Variants in NOVA1 observed in about 807,000 individuals in gnomAD.
NOVA1 encodes NOVA alternative splicing regulator 1.
NOVA1 carries 7 observed loss-of-function variants against 38.0 expected under a neutral mutation model. That is an observed-to-expected ratio of 0.18 (90% CI 0.10 to 0.35). The LOEUF (loss-of-function observed/expected upper bound fraction) is 0.35. NOVA1 is among the 10% of genes least tolerant of loss of function. The probability of loss-of-function intolerance (pLI) is 1.00; values close to 1 mark genes in which losing one functional copy is unlikely to be tolerated. For synonymous variants in NOVA1, 270 were observed against 232.5 expected, an observed-to-expected ratio of 1.16 and a Z score of -1.47; for missense variants, 460 against 616.0, an observed-to-expected ratio of 0.75 and a Z score of 2.68.
chr14:26,527,477 C>G (rs1262957196), intron 2 of NOVA1, among the ~76,000 whole-genome samples: 1 of 151,616 alleles, frequency 6.6e-6, no homozygotes, highest in Non-Finnish European at 1.5e-5. Context: ...ATCTCCAATT[C>G]AGGATACCGC....
At chr14:26,492,722 CTT>C (rs1886438033) in intron 2 of NOVA1, among the ~76,000 whole-genome samples, 1 of 152,002 alleles carries the variant, frequency 6.6e-6, no homozygotes, top group South Asian at 2.1e-4. Flanking sequence ...AATCCCAACA[CTT>C]GGGAGGCCGA....
chr14:26,565,678 TTG>T (rs1346145820), intron 2 of NOVA1, among the ~76,000 whole-genome samples: 1 of 152,144 alleles, frequency 6.6e-6, no homozygotes, highest in Non-Finnish European at 1.5e-5. Context: ...CTAAATGATA[TTG>T]TGTGGAATCA....
At chr14:26,496,180 A>T (rs1886763810) in intron 2 of NOVA1, among the ~76,000 whole-genome samples, 1 of 151,314 alleles carries the variant, frequency 6.6e-6, no homozygotes, top group Non-Finnish European at 1.5e-5. Context: ...CTTTTTAATG[A>T]TTGCCATTCT....
chr14:26,537,058 A>T (rs563586650), intron 2 of NOVA1, among the ~76,000 whole-genome samples: 3 of 152,236 alleles, frequency 2.0e-5, no homozygotes, highest in Non-Finnish European at 4.4e-5. Context: ...ATCATAATGG[A>T]GGTATTATAA....
chr14:26,584,118 T>C (rs960709871), intron 2 of NOVA1, among the ~76,000 whole-genome samples: 1 of 151,510 alleles, frequency 6.6e-6, no homozygotes, highest in South Asian at 2.1e-4. Flanking sequence ...ACATTCTTCA[T>C]AGAAATCTGT....
intron 2 of NOVA1, among the ~76,000 whole-genome samples, chr14:26,530,374 A>T (rs1889620083): frequency 6.6e-6 from 1 of 152,220 alleles, no homozygotes; most frequent in South Asian, 2.1e-4. Context: ...ATCAACCCGG[A>T]AAGATTTATC....
chr14:26,545,664 CACA>C (rs1036690440), intron 2 of NOVA1, among the ~76,000 whole-genome samples: 10 of 152,068 alleles, frequency 6.6e-5, no homozygotes, highest in African/African-American at 2.4e-4. Context: ...GTTTTTTCCT[CACA>C]ACAACCCTGT....
At chr14:26,580,951 GA>G (rs1435786700) in intron 2 of NOVA1, among the ~76,000 whole-genome samples, 1 of 151,920 alleles carries the variant, frequency 6.6e-6, no homozygotes, top group Non-Finnish European at 1.5e-5. Flanking sequence ...GAAAGGAGGT[GA>G]AAAATGATAG....
chr14:26,557,044 C>T (rs1231182825), intron 2 of NOVA1, among the ~76,000 whole-genome samples: 1 of 152,098 alleles, frequency 6.6e-6, no homozygotes, highest in African/African-American at 2.4e-5. Flanking sequence ...ATTCCCATGG[C>T]ATTCTCTCTG....
At chr14:26,530,095 A>C (rs1176318097) in intron 2 of NOVA1, among the ~76,000 whole-genome samples, 1 of 152,016 alleles carries the variant, frequency 6.6e-6, no homozygotes, top group African/African-American at 2.4e-5. Flanking sequence ...AATTTTTTGT[A>C]TTTTTAGCAG....
At chr14:26,470,371 A>G in intron 4 of NOVA1, 6 of 1,501,886 alleles carry the variant, frequency 4.0e-6, no homozygotes, top group Non-Finnish European at 5.5e-6. Context: ...TGGGGAGAAA[A>G]TAATTACAAA....
intron 2 of NOVA1, among the ~76,000 whole-genome samples, chr14:26,546,999 T>C (rs1890831071): frequency 6.6e-6 from 1 of 152,104 alleles, no homozygotes; most frequent in Admixed American, 6.5e-5. Context: ...AGCCTGGGGA[T>C]ACAGCGAGAC....
intron 2 of NOVA1, among the ~76,000 whole-genome samples, chr14:26,580,146 C>A (rs1181658268): frequency 1.3e-5 from 2 of 151,728 alleles, no homozygotes; most frequent in Non-Finnish European, 2.9e-5. Flanking sequence ...CATTTAGCTT[C>A]ATCATTTAAT....
intron 2 of NOVA1, among the ~76,000 whole-genome samples, chr14:26,552,836 G>A (rs428571): frequency 0.53 from 80,250 of 151,544 alleles, 25,730 homozygotes; most frequent in Non-Finnish European, 0.7. Flanking sequence ...TTACTTAAAT[G>A]AAGAATGAAT....
In NOVA1 at chr14:26,448,619, T is replaced by C. The variant is rs372374522; in HGVS notation, c.864A>G (p.Leu288=). 67 of 1,614,236 alleles carry C rather than the reference T, an allele frequency of 4.2e-5. No individual in the cohort carries two copies. Among genetic ancestry groups the C allele is most frequent in the Non-Finnish European group, 5.3e-5 (63 of 1,180,042 alleles). The change falls in exon 5 of 5, where the codon CTA becomes CTG. Residue 288 remains leucine, a synonymous_variant. Coordinates refer to ENST00000539517, the MANE Select transcript of NOVA1 (RefSeq NM_002515.3). The surrounding 1 kb of genome is among the most constrained non-coding windows in gnomAD (Gnocchi z 5.3). ...VLPTAAAAAG[L]LGHANLAGVA... ...CGCCAGCAAGGTTAGCATGTCCTAA[T>C]AGCCCTGCAGCTGCTGCAGCAGTTG...
At chr14:26,553,116 T>C (rs1891261671) in intron 2 of NOVA1, among the ~76,000 whole-genome samples, 1 of 152,166 alleles carries the variant, frequency 6.6e-6, no homozygotes, top group Admixed American at 6.5e-5. Context: ...TCACTGTAGC[T>C]AGGAAGAATA....
chr14:26,499,235 T>C (rs1887072380), intron 2 of NOVA1, among the ~76,000 whole-genome samples: 1 of 152,230 alleles, frequency 6.6e-6, no homozygotes, highest in Admixed American at 6.5e-5. Context: ...TGCTCTATTA[T>C]AGTAACCATT....
intron 2 of NOVA1, among the ~76,000 whole-genome samples, chr14:26,499,399 T>C (rs1328308556): frequency 3.9e-5 from 6 of 152,124 alleles, no homozygotes; most frequent in African/African-American, 1.4e-4. Context: ...CAATGTGAAT[T>C]TGTATGATGC....
chr14:26,585,809 C>CT, intron 2 of NOVA1, among the ~76,000 whole-genome samples: 1 of 12,548 alleles, frequency 8.0e-5, no homozygotes, highest in African/African-American at 1.4e-4. Context: ...CGCAAAATTC[C>CT]CGTCATACTC....
Sources: allele counts gnomAD v4.1 joint callset (sites outside exome capture counted in the v4.1 genomes callset), GRCh38; gene constraint gnomAD v4.1.1; non-coding constraint Gnocchi (gnomAD v3.1); transcripts MANE v1.5; gene names NCBI Gene and HGNC (gene_info 2026-07-23, HGNC 2026-07-21).